The following CES1 variants were observed in gnomAD, a reference collection of about 807,000 sequenced individuals.
CES1 encodes carboxylesterase 1, also known as liver carboxylesterase 1.
Under a neutral mutation model 53.0 loss-of-function variants are expected in CES1, and 50 were observed. That is an observed-to-expected ratio of 0.94 (90% CI 0.75 to 1.19). The LOEUF is 1.19. CES1 is among the 50% of genes most tolerant of loss of function. The probability of loss-of-function intolerance (pLI) is 0.00; values close to 1 mark genes in which losing one functional copy is unlikely to be tolerated. For missense variants in CES1, 534 were observed against 538.0 expected (o/e 0.99, Z 0.07); for synonymous variants, 202 against 210.1 (o/e 0.96, Z 0.33).
intron 3 of CES1, among the ~76,000 whole-genome samples, chr16:55,823,928 C>A (rs561688156): frequency 7.9e-5 from 12 of 152,366 alleles, no homozygotes; most frequent in Admixed American, 5.9e-4. Flanking sequence ...GCCTCCAGTG[C>A]CTCCTCCCCG....
intron 1 of CES1, among the ~76,000 whole-genome samples, chr16:55,830,801 G>A (rs1217047162): frequency 6.7e-6 from 1 of 148,926 alleles, no homozygotes; most frequent in East Asian, 2.0e-4. Flanking sequence ...AAGGAAGGAA[G>A]GAAGGAAGGA....
Position 55,826,177 on chromosome 16 carries a change from C to G in CES1, c.379G>C (p.Asp127His). The G allele has an allele frequency of 6.2e-7, 1 of 1,613,972 alleles. No homozygotes were observed. The highest frequency in any genetic ancestry group is 2.2e-5 in the East Asian group (1 of 44,892). Residue 127 changes from aspartate to histidine, a missense_variant, in exon 3 of 14, where the codon GAC becomes CAC. Coordinates refer to ENST00000360526, the MANE Select transcript of CES1 (RefSeq NM_001025195.2). ...GGCAGCCTGTTTTTCTTGGTCAAGT[C>G]AGCAGGAGTGTAAATATTGAGGTAA... ...CLYLNIYTPA[D>H]LTKKNRLPVM...
chr16:55,830,474 A>T (rs537958839), intron 1 of CES1, among the ~76,000 whole-genome samples: 1 of 152,254 alleles, frequency 6.6e-6, no homozygotes, highest in African/African-American at 2.4e-5. Flanking sequence ...AAAAAGAAAA[A>T]ATATGTAGAA....
chr16:55,825,834 T>C (rs1156998339), intron 3 of CES1, among the ~76,000 whole-genome samples: 1 of 152,240 alleles, frequency 6.6e-6, no homozygotes, highest in African/African-American at 2.4e-5. Context: ...GAAAATCATG[T>C]CTTACCCAAT....
At chr16:55,819,471 A>G in intron 7 of CES1, 64 bp downstream of exon 7, 2 of 1,188,796 alleles carry the variant, frequency 1.7e-6, no homozygotes, top group Non-Finnish European at 2.5e-6. Flanking sequence ...GCAAGAGGAC[A>G]GCTGAAATGA....
Position 55,814,081 on chromosome 16 carries a change from T to C in CES1, c.946-1038A>G, listed in dbSNP as rs140704581. On this transcript the variant is annotated intron_variant, in intron 8 of 13. Transcript: ENST00000360526. ...GATTAATGAGGAAGAGATTATGCTA[T>C]CTATCTGTATTTAAACAAGAGCTGT... Among the ~76,000 whole-genome samples, 384 of 152,322 alleles carry C rather than the reference T, an allele frequency of 2.5e-3. 1 individual carries two copies. The highest frequency in any genetic ancestry group is 8.9e-3 in the African/African-American group (370 of 41,548).
At chr16:55,810,476 C>G (rs750738868) in intron 11 of CES1, 41 bp downstream of exon 11, 1 of 1,613,386 alleles carries the variant, frequency 6.2e-7, no homozygotes, top group Non-Finnish European at 8.5e-7. Flanking sequence ...TACAGAAGCT[C>G]GTGGGGTTTG....
At chr16:55,813,849 G>A (rs200135123) in intron 8 of CES1, among the ~76,000 whole-genome samples, 54 of 150,006 alleles carry the variant, frequency 3.6e-4, no homozygotes, top group South Asian at 8.7e-4. Flanking sequence ...TAAATAGACC[G>A]CGAAGAGGAC....
chr16:55,808,613 T>A (rs542457333), intron 11 of CES1, among the ~76,000 whole-genome samples: 2 of 152,182 alleles, frequency 1.3e-5, no homozygotes, highest in Admixed American at 1.3e-4. Context: ...CCTAGTTATT[T>A]ACTTCTAAAA....
chr16:55,830,912 A>T (rs2032638859), intron 1 of CES1, among the ~76,000 whole-genome samples: 1 of 152,106 alleles, frequency 6.6e-6, no homozygotes, highest in South Asian at 2.1e-4. Context: ...CCCTGACCAG[A>T]GGTGGGGGAA....
intron 5 of CES1, 64 bp downstream of exon 5, chr16:55,821,304 G>A: frequency 6.3e-7 from 1 of 1,596,468 alleles, no homozygotes; most frequent in South Asian, 1.1e-5. Context: ...ATTGACAGGT[G>A]TCCAAGAGGT....
chr16:55,809,469 G>C (rs535005723), intron 11 of CES1, among the ~76,000 whole-genome samples: 1 of 152,350 alleles, frequency 6.6e-6, no homozygotes, highest in South Asian at 2.1e-4. Context: ...GCGAATGAGA[G>C]CTGGAAGAAA....
intron 9 of CES1, among the ~76,000 whole-genome samples, chr16:55,812,099 C>T (rs749810783): frequency 1.2e-4 from 18 of 152,204 alleles, no homozygotes; most frequent in Non-Finnish European, 1.9e-4. Context: ...GTCCACTCCA[C>T]GCTGGACTAT....
At chr16:55,819,908 C>G in intron 6 of CES1, 1 of 587,344 alleles carries the variant, frequency 1.7e-6, no homozygotes, top group East Asian at 2.9e-5. Flanking sequence ...GTGAATGTGT[C>G]AAGAAATGTG....
At chr16:55,822,932 C>G (rs530661156) in intron 4 of CES1, among the ~76,000 whole-genome samples, 43 of 151,976 alleles carry the variant, frequency 2.8e-4, no homozygotes, top group African/African-American at 1.0e-3. Flanking sequence ...AGGTTCATAG[C>G]AGTTGCGCCT....
chr16:55,831,837 C>T (rs1194160675), intron 1 of CES1, among the ~76,000 whole-genome samples: 1 of 150,744 alleles, frequency 6.6e-6, no homozygotes, highest in Non-Finnish European at 1.5e-5. Flanking sequence ...TCGGGTTGAC[C>T]CTGGGCAAGT....
chr16:55,828,386 A>C (rs569349996), intron 2 of CES1, among the ~76,000 whole-genome samples: 1 of 152,224 alleles, frequency 6.6e-6, no homozygotes, highest in Non-Finnish European at 1.5e-5. Flanking sequence ...CTTCCTTCTG[A>C]TCTCCCTCAC....
chr16:55,828,264 G>A (rs1276377766), intron 2 of CES1: 1 of 252,040 alleles, frequency 4.0e-6, no homozygotes, highest in Non-Finnish European at 7.9e-6. Flanking sequence ...GCACACCTGA[G>A]AGTTGAGCAC....
chr16:55,813,149 A>C (rs2031779134), intron 8 of CES1, 106 bp from the exon 9 acceptor site: 1 of 1,461,532 alleles, frequency 6.8e-7, no homozygotes, highest in Non-Finnish European at 9.5e-7. Flanking sequence ...CGGCATGGCC[A>C]TGCGCCATGG....
Sources: gnomAD v4.1 joint callset for allele counts (sites outside exome capture counted in the v4.1 genomes callset) on GRCh38, gnomAD v4.1.1 for gene constraint, MANE v1.5 for transcripts, NCBI Gene and HGNC (gene_info 2026-07-23, HGNC 2026-07-21) for gene names.